The following MME variants were observed in gnomAD, a reference collection of about 807,000 sequenced individuals.
MME encodes neprilysin.
A neutral mutation model predicts 113.2 loss-of-function variants in MME; 98 were observed. The ratio of observed to expected loss-of-function variants is 0.87; its 90% CI spans 0.74 to 1.02. MME has a LOEUF of 1.02. MME is among the 50% of genes least tolerant of loss of function. The probability of loss-of-function intolerance (pLI) is 0.00; values close to 1 mark genes in which losing one functional copy is unlikely to be tolerated. For missense variants in MME, 836 were observed against 896.0 expected (o/e 0.93, Z 0.86); for synonymous variants, 292 against 300.6 (o/e 0.97, Z 0.30).
intron 7 of MME, among the ~76,000 whole-genome samples, chr3:155,118,453 G>C (rs1718809373): frequency 6.6e-6 from 1 of 152,182 alleles, no homozygotes; most frequent in East Asian, 1.9e-4. Context: ...TTGTTCACTT[G>C]CACCTTCTGC....
chr3:155,161,676 A>G (rs1722734580), intron 17 of MME, among the ~76,000 whole-genome samples: 1 of 152,156 alleles, frequency 6.6e-6, no homozygotes, highest in African/African-American at 2.4e-5. Flanking sequence ...TCTGGAATTT[A>G]CGTTGGTACA....
chr3:155,078,213 A>T (rs552068690), upstream of MME, among the ~76,000 whole-genome samples: 16 of 152,044 alleles, frequency 1.1e-4, no homozygotes, highest in Admixed American at 4.6e-4. Flanking sequence ...ACAGCACGAG[A>T]CTCTGTAGGA....
chr3:155,089,568 G>A (rs1340858359), intron 3 of MME, among the ~76,000 whole-genome samples: 4 of 152,136 alleles, frequency 2.6e-5, no homozygotes, highest in East Asian at 1.9e-4. Flanking sequence ...CAGGCAGCAC[G>A]GTCACTTATG....
intron 16 of MME, among the ~76,000 whole-genome samples, chr3:155,150,901 T>G (rs1721873153): frequency 6.6e-6 from 1 of 152,324 alleles, no homozygotes; most frequent in South Asian, 2.1e-4. Context: ...GACTGAGCCC[T>G]ATAGGATACA....
intron 8 of MME, among the ~76,000 whole-genome samples, chr3:155,137,670 C>T (rs150836525): frequency 0.044 from 6,756 of 152,132 alleles, 436 homozygotes; most frequent in African/African-American, 0.14. Flanking sequence ...AGCACCACTG[C>T]ACTCCAGCCC....
intron 22 of MME, among the ~76,000 whole-genome samples, chr3:155,173,442 A>T (rs909455878): frequency 1.3e-5 from 2 of 152,174 alleles, no homozygotes; most frequent in African/African-American, 4.8e-5. Context: ...GAATGTAAGC[A>T]TACTGCCCAG....
rs766215294 is a variant in MME at position 155,147,202 on chromosome 3, A to T, written c.1475A>T (p.Lys492Ile). ...YPDDIVSNDN[K>I]LNNEYLELNY... The stretch of plus-strand genomic sequence containing the variant: ...GATGACATTGTTTCAAATGATAACA[A>T]ACTGAATAATGAGTACCTCGAGGTA... The change falls in exon 15 of 23, where the codon AAA becomes ATA. Residue 492 changes from lysine (K) to isoleucine (I), a missense_variant. Physicochemically the swap from Lys to Ile is moderately radical, Grantham distance 102. Transcript: ENST00000360490. 2 of 1,605,470 alleles carry T rather than the reference A, an allele frequency of 1.2e-6. No individual in the cohort carries two copies. Among genetic ancestry groups the T allele is most frequent in the African/African-American group, 1.3e-5 (1 of 74,826 alleles).
At chr3:155,086,563 A>G (rs961434462) in intron 3 of MME, among the ~76,000 whole-genome samples, 3 of 152,202 alleles carry the variant, frequency 2.0e-5, no homozygotes, top group African/African-American at 7.2e-5. Context: ...AGAGCAGAAA[A>G]CAGAGAAGTG....
Position 155,128,138 on chromosome 3 carries a change from A to G in MME, c.720+9327A>G, listed in dbSNP as rs1439519165. On this transcript the variant is annotated intron_variant, in intron 8 of 22. Coordinates refer to ENST00000360490, the MANE Select transcript of MME (RefSeq NM_007289.4). Reference sequence around the variant, plus strand: ...TCCTTTCAGTGGAAGGGAGTTGCATAAAAATAAAAGTTACATGTCATCCCA... The same window carrying G: ...TCCTTTCAGTGGAAGGGAGTTGCATGAAAATAAAAGTTACATGTCATCCCA... 2.0e-5 allele frequency among the ~76,000 whole-genome samples: 3 copies of G among 152,370 alleles called. No homozygotes were observed. In the East Asian group the frequency reaches 5.8e-4, roughly 29 times the overall value.
At chr3:155,042,920 A>G (rs1354906955) in intron 1 of MME, among the ~76,000 whole-genome samples, 56 of 59,916 alleles carry the variant, frequency 9.3e-4, no homozygotes, top group South Asian at 1.0e-3. Context: ...ATATATATAT[A>G]TATATATATA....
intron 8 of MME, among the ~76,000 whole-genome samples, chr3:155,119,088 T>C (rs1170539591): frequency 6.6e-6 from 1 of 152,234 alleles, no homozygotes; most frequent in African/African-American, 2.4e-5. Flanking sequence ...GAAAAGTTAA[T>C]TTAAAATATT....
chr3:155,125,274 GCT>G (rs1719533925), intron 8 of MME, among the ~76,000 whole-genome samples: 3 of 127,408 alleles, frequency 2.4e-5, no homozygotes, highest in Non-Finnish European at 3.5e-5. Context: ...CCCTGCTTCG[GCT>G]CACGCACGGT....
chr3:155,063,186 A>ATATATTATT lies in MME; in HGVS notation c.-10-20967_-10-20966insTATTTATAT, dbSNP rs1714219118. On this transcript the variant is annotated intron_variant, in intron 1 of 22. Coordinates refer to the MME transcript ENST00000492661. ...AATTATATATATTATATACTTTGTA[A>ATATATTATT]TATATATTATTTATATATTATATAA... Among the ~76,000 whole-genome samples, 9 of 125,690 alleles carry ATATATTATT rather than the reference A, an allele frequency of 7.2e-5. No homozygotes were observed. The South Asian group carries it at 2.0e-3, about 28-fold the overall frequency. 82.5% of individuals were successfully genotyped at this position (125,690 alleles called of 152,430 possible).
At chr3:155,159,732 A>G (rs1576658390) in intron 16 of MME, among the ~76,000 whole-genome samples, 1 of 152,170 alleles carries the variant, frequency 6.6e-6, no homozygotes, top group East Asian at 1.9e-4. Context: ...TCTGGGTTCT[A>G]TACAGAGCCT....
Position 155,125,444 on chromosome 3 carries a change from C to CTTTTTTT in MME, c.720+6655_720+6661dup, listed in dbSNP as rs1165027340. On this transcript the variant is annotated intron_variant, in intron 8 of 22. Coordinates refer to ENST00000360490, the MANE Select transcript of MME (RefSeq NM_007289.4). ...TATTCGGCCAACTTGGCTCCTCCTC[C>CTTTTTTT]TTTTTTTTTTTTTTTTTTTTTTTTT... Among the ~76,000 whole-genome samples the CTTTTTTT allele has an allele frequency of 6.7e-4, 44 of 65,332 alleles. 6 individuals carry two copies. Among genetic ancestry groups the CTTTTTTT allele is most frequent in the Non-Finnish European group, 1.1e-3 (40 of 36,830 alleles). 42.9% of individuals were successfully genotyped at this position (65,332 alleles called of 152,430 possible).
chr3:155,133,062 A>AAAATATATATATATATATATATATATAT (rs1553762419), intron 8 of MME, among the ~76,000 whole-genome samples: 72 of 74,920 alleles, frequency 9.6e-4, no homozygotes, highest in Non-Finnish European at 1.4e-3. Flanking sequence ...AAAAAAAAAA[A>AAAATATATATATATATATATATATATAT]ATATATATAT....
chr3:155,065,407 A>G (rs1318952544), intron 1 of MME, among the ~76,000 whole-genome samples: 1 of 152,238 alleles, frequency 6.6e-6, no homozygotes, highest in Admixed American at 6.5e-5. Flanking sequence ...TTTATGAAAT[A>G]AAATGAATAA....
At chr3:155,042,126 A>G (rs2108120898) in intron 1 of MME, among the ~76,000 whole-genome samples, 1 of 152,264 alleles carries the variant, frequency 6.6e-6, no homozygotes, top group Middle Eastern at 3.4e-3. Context: ...GTTTTCTTCC[A>G]TTTTCACTGA....
intron 22 of MME, among the ~76,000 whole-genome samples, chr3:155,179,059 T>C (rs1712827589): frequency 6.6e-6 from 1 of 152,168 alleles, no homozygotes; most frequent in African/African-American, 2.4e-5. Flanking sequence ...TTAGTTTAGA[T>C]GGCATTCAAA....
Sources: gnomAD v4.1 joint callset for allele counts (sites outside exome capture counted in the v4.1 genomes callset) on GRCh38, gnomAD v4.1.1 for gene constraint, MANE v1.5 for transcripts, NCBI Gene and HGNC (gene_info 2026-07-23, HGNC 2026-07-21) for gene names.